The following TVP23C variants were observed in gnomAD, a reference collection of about 807,000 sequenced individuals.
TVP23C encodes Golgi apparatus membrane protein TVP23 homolog C.
TVP23C carries 19 observed loss-of-function variants against 28.7 expected under a neutral mutation model. The observed-to-expected ratio is 0.66, with a 90% confidence interval of 0.46 to 0.97. The LOEUF (loss-of-function observed/expected upper bound fraction) is 0.97, where lower values mean the gene tolerates loss of function less well. Among genes scored for constraint, TVP23C ranks in the 50% least tolerant of loss-of-function variants. The probability of loss-of-function intolerance (pLI) is 0.00; values close to 1 mark genes in which losing one functional copy is unlikely to be tolerated. For missense variants in TVP23C, 186 were observed against 241.3 expected (o/e 0.77, Z 1.52); for synonymous variants, 68 against 81.7 (o/e 0.83, Z 0.90).
At position 15,537,442 on chromosome 17, in the gene TVP23C, A is replaced by T; in HGVS notation, c.*2970T>A. 1 of 985,296 alleles carries T rather than the reference A, an allele frequency of 1.0e-6. No homozygotes were observed. Among genetic ancestry groups the T allele is most frequent in the African/African-American group, 1.7e-5 (1 of 57,352 alleles). 61.0% of individuals were successfully genotyped at this position (985,296 alleles called of 1,614,324 possible). A position where few individuals can be genotyped will look rare whatever the true frequency, so the allele number is the denominator to read the frequency against. On this transcript the variant is annotated 3_prime_UTR_variant, in exon 6 of 6. Coordinates refer to ENST00000518321, the MANE Select transcript of TVP23C (RefSeq NM_001135036.2). ...TCAATCTAGCTATCCTTTCTGTAAA[A>T]TAAATAGAATAGCAGCAATCTCTGG...
intron 5 of TVP23C, chr17:15,507,037 C>T (rs1981781286): frequency 1.5e-6 from 2 of 1,304,332 alleles, no homozygotes; most frequent in African/African-American, 1.5e-5. Flanking sequence ...CAGAATTATT[C>T]CAGAGTTTAT....
chr17:15,516,866 A>T (rs1982249998), intron 5 of TVP23C, among the ~76,000 whole-genome samples: 1 of 152,140 alleles, frequency 6.6e-6, no homozygotes, highest in Admixed American at 6.5e-5. Context: ...CCTTGGCTAC[A>T]AGAGACTAGA....
At chr17:15,503,851 T>C (rs1204096270) in intron 5 of TVP23C, among the ~76,000 whole-genome samples, 1 of 151,884 alleles carries the variant, frequency 6.6e-6, no homozygotes, top group Admixed American at 6.6e-5. Flanking sequence ...GAAGCTCTTG[T>C]AGGATGGTGA....
At chr17:15,553,881 C>G in intron 2 of TVP23C, 52 bp from the exon 3 acceptor site, 2 of 1,609,234 alleles carry the variant, frequency 1.2e-6, no homozygotes, top group Non-Finnish European at 1.7e-6. Flanking sequence ...ACTACAGGTA[C>G]TAGCAAATGT....
intron 5 of TVP23C, chr17:15,516,510 C>T (rs1982233118): frequency 6.9e-6 from 1 of 145,232 alleles, no homozygotes; most frequent in African/African-American, 2.6e-5. Flanking sequence ...GCATCTTCCC[C>T]CTTCGTCTTC....
At chr17:15,502,544 C>A (rs1981491383) in exon 6 of TVP23C, 2 of 278,424 alleles carry the variant, frequency 7.2e-6, no homozygotes, top group African/African-American at 2.2e-5. Context: ...TGTCTGGAAC[C>A]CTCTGGCTCA....
intron 5 of TVP23C, among the ~76,000 whole-genome samples, chr17:15,524,721 TG>T (rs1982649004): frequency 6.8e-6 from 1 of 147,624 alleles, no homozygotes; most frequent in African/African-American, 2.6e-5. Flanking sequence ...ATGCACACAG[TG>T]GCTATAGGTG....
At chr17:15,510,619 C>T (rs991866884) in intron 5 of TVP23C, among the ~76,000 whole-genome samples, 22 of 152,224 alleles carry the variant, frequency 1.4e-4, no homozygotes, top group African/African-American at 5.1e-4. Flanking sequence ...ACTAATTCCT[C>T]TATGATTACC....
intron 1 of TVP23C, among the ~76,000 whole-genome samples, chr17:15,558,564 C>T (rs1984234477): frequency 6.7e-6 from 1 of 148,258 alleles, no homozygotes; most frequent in African/African-American, 2.5e-5. Flanking sequence ...ATGGTCCTTA[C>T]AAGGGAAACA....
rs1029915407 is a variant in TVP23C at position 15,538,702 on chromosome 17, T to C, written c.*1710A>G. 7 of 985,312 alleles carry C rather than the reference T, an allele frequency of 7.1e-6. No individual in the cohort carries two copies. In the Admixed American group the frequency reaches 3.7e-4, roughly 52 times the overall value. The allele number at this position is 985,312 out of a possible 1,614,324, so 61.0% of individuals were successfully genotyped here. A position where few individuals can be genotyped will look rare whatever the true frequency, so the allele number is the denominator to read the frequency against. ...TCATTTGAGCAGACGCCGGATACCA[T>C]GTAAGACACTAACCCTATCCATGTT... On this transcript the variant is annotated 3_prime_UTR_variant, in exon 6 of 6. Transcript: ENST00000518321.
chr17:15,509,888 A>G (rs1265831930), intron 5 of TVP23C, among the ~76,000 whole-genome samples: 1 of 152,230 alleles, frequency 6.6e-6, no homozygotes, highest in Non-Finnish European at 1.5e-5. Flanking sequence ...GGCAGACTGT[A>G]AGTTCCTTGA....
chr17:15,556,669 T>C (rs1237161010), intron 1 of TVP23C, among the ~76,000 whole-genome samples: 1 of 152,152 alleles, frequency 6.6e-6, no homozygotes, highest in Non-Finnish European at 1.5e-5. Context: ...ACCTTAGGCT[T>C]CTAAGAGTGG....
chr17:15,529,472 T>C (rs531740952), intron 5 of TVP23C, among the ~76,000 whole-genome samples: 2 of 152,148 alleles, frequency 1.3e-5, no homozygotes, highest in East Asian at 3.9e-4. Context: ...AGTAACTTAA[T>C]TGTTAATAAT....
At chr17:15,502,556 C>G (rs1234996780) in exon 6 of TVP23C, 2 of 305,560 alleles carry the variant, frequency 6.5e-6, no homozygotes, top group Non-Finnish European at 1.2e-5. Context: ...TCTGGCTCAC[C>G]GCATCCTTCC....
In TVP23C at chr17:15,538,177, C is replaced by T. The variant is rs558319241; in HGVS notation, c.*2235G>A. ...TTCCGCAAAAGACAAAAAAAGAACTCCTTAACATCAAAGTTATTTCACTTC... is the reference window on the plus strand; with the variant it reads ...TTCCGCAAAAGACAAAAAAAGAACTTCTTAACATCAAAGTTATTTCACTTC... On this transcript the variant is annotated 3_prime_UTR_variant, in exon 6 of 6. Transcript: ENST00000518321. 3 of 1,613,660 alleles carry T rather than the reference C, an allele frequency of 1.9e-6. No individual in the cohort carries two copies. The African/African-American group carries it at 4.0e-5, about 22-fold the overall frequency.
intron 5 of TVP23C, among the ~76,000 whole-genome samples, chr17:15,510,724 A>G (rs1981963326): frequency 6.6e-6 from 1 of 152,222 alleles, no homozygotes; most frequent in South Asian, 2.1e-4. Context: ...ATTTTCTTAA[A>G]CAAACAGAAA....
rs764438377 is a variant in TVP23C at position 15,540,393 on chromosome 17, T to C, written c.*19A>G. On this transcript the variant is annotated 3_prime_UTR_variant, in exon 6 of 6. Coordinates refer to ENST00000518321, the MANE Select transcript of TVP23C (RefSeq NM_001135036.2). ...AAAATTAAACTATGAAAGTTAGAAA[T>C]AATTGCATTAGTCACTGATCACATC... 114 of 1,567,242 alleles carry C rather than the reference T, an allele frequency of 7.3e-5. No individual in the cohort carries two copies. The highest frequency in any genetic ancestry group is 5.6e-4 in the Admixed American group (30 of 53,722).
At chr17:15,520,723 T>C (rs1241409131) in intron 5 of TVP23C, among the ~76,000 whole-genome samples, 1 of 152,164 alleles carries the variant, frequency 6.6e-6, no homozygotes, top group Non-Finnish European at 1.5e-5. Flanking sequence ...CCCTTAACAC[T>C]GGGGGCAAGC....
chr17:15,533,586 A>G (rs576147632), downstream of TVP23C, among the ~76,000 whole-genome samples: 34 of 152,328 alleles, frequency 2.2e-4, no homozygotes, highest in African/African-American at 7.7e-4. Flanking sequence ...GTCAACGTCC[A>G]CCCGTCAGAG....
Sources: allele counts gnomAD v4.1 joint callset (sites outside exome capture counted in the v4.1 genomes callset), GRCh38; gene constraint gnomAD v4.1.1; transcripts MANE v1.5; gene names NCBI Gene and HGNC (gene_info 2026-07-23, HGNC 2026-07-21).